Variants in GSE1 observed in about 807,000 individuals in gnomAD.
GSE1 encodes the protein genetic suppressor element 1.
In GSE1, 32 loss-of-function variants were observed where a neutral mutation model predicts 112.6. The observed-to-expected ratio is 0.28, with a 90% CI of 0.21 to 0.38. The LOEUF (loss-of-function observed/expected upper bound fraction) is 0.38, where lower values mean the gene tolerates loss of function less well. Among genes scored for constraint, GSE1 ranks in the 10% least tolerant of loss-of-function variants. GSE1 has a pLI of 1.00. For missense variants in GSE1, 2,348 were observed against 1,699.2 expected, an observed-to-expected ratio of 1.38 and a Z score of -6.71; for synonymous variants, 1,115 against 735.6, an observed-to-expected ratio of 1.52 and a Z score of -8.35.
intron 1 of GSE1, among the ~76,000 whole-genome samples, chr16:85,309,697 A>G (rs1020976290): frequency 1.3e-5 from 2 of 152,196 alleles, no homozygotes; most frequent in Non-Finnish European, 2.9e-5. Flanking sequence ...CTAATGATCC[A>G]TTCTCAGCTG....
intron 7 of GSE1, 54 bp downstream of exon 7, chr16:85,656,719 G>A (rs771075666): frequency 8.0e-5 from 115 of 1,445,886 alleles, no homozygotes; most frequent in Non-Finnish European, 1.0e-4. Flanking sequence ...CCCGCGGGGA[G>A]GAGCCCTGAA....
At chr16:85,551,414 CT>C (rs1336210727), upstream of GSE1, among the ~76,000 whole-genome samples, 6 of 152,174 alleles carry the variant, frequency 3.9e-5, no homozygotes, top group Non-Finnish European at 1.5e-5. Flanking sequence ...TGCAGCTCCC[CT>C]GGGAATGAAT....
At chr16:85,518,054 G>A (rs1018308574) in intron 2 of GSE1, among the ~76,000 whole-genome samples, 15 of 152,226 alleles carry the variant, frequency 9.9e-5, no homozygotes, top group Non-Finnish European at 1.6e-4. Context: ...CTCCTGGCCC[G>A]AGATGCCCTG....
intron 2 of GSE1, among the ~76,000 whole-genome samples, chr16:85,418,116 C>T (rs555222275): frequency 3.8e-4 from 58 of 152,346 alleles, no homozygotes; most frequent in Non-Finnish European, 7.5e-4. Flanking sequence ...GGATTACAGG[C>T]GTGAGCCACC....
intron 2 of GSE1, among the ~76,000 whole-genome samples, chr16:85,496,613 G>T (rs2051186978): frequency 6.6e-6 from 1 of 152,270 alleles, no homozygotes; most frequent in South Asian, 2.1e-4. Context: ...GAATTGGGGA[G>T]AAACTGACTT....
At chr16:85,188,315 G>A (rs1385521739) in intron 1 of GSE1, among the ~76,000 whole-genome samples, 1 of 152,228 alleles carries the variant, frequency 6.6e-6, no homozygotes. Context: ...GGGAATTACA[G>A]TAGAGTGTGT....
chr16:85,423,842 G>A (rs1421240895), intron 2 of GSE1, among the ~76,000 whole-genome samples: 2 of 152,254 alleles, frequency 1.3e-5, no homozygotes, highest in African/African-American at 4.8e-5. Context: ...GCCGCTCACA[G>A]GCAGGGCCCC....
At chr16:85,539,241 T>G (rs1207611777) in intron 2 of GSE1, among the ~76,000 whole-genome samples, 1 of 152,244 alleles carries the variant, frequency 6.6e-6, no homozygotes, top group African/African-American at 2.4e-5. Flanking sequence ...CCGCAGTGTC[T>G]ATTTTTGCAA....
chr16:85,260,790 A>G (rs889957144), intron 1 of GSE1, among the ~76,000 whole-genome samples: 1 of 152,142 alleles, frequency 6.6e-6, no homozygotes, highest in Non-Finnish European at 1.5e-5. Context: ...TTGCCCCTGC[A>G]CTGTACTGGG....
intron 1 of GSE1, among the ~76,000 whole-genome samples, chr16:85,270,632 T>C (rs1321648112): frequency 6.7e-6 from 1 of 148,976 alleles, no homozygotes; most frequent in East Asian, 1.9e-4. Context: ...CTGGGCTGGC[T>C]GCTTTGTTAA....
chr16:85,225,986 A>G (rs1597843131), intron 1 of GSE1, among the ~76,000 whole-genome samples: 2 of 152,108 alleles, frequency 1.3e-5, no homozygotes, highest in African/African-American at 4.8e-5. Flanking sequence ...TGGAGGCCTC[A>G]GTTCCTGGCC....
intron 1 of GSE1, chr16:85,279,112 A>T (rs900226579): frequency 3.3e-5 from 5 of 152,336 alleles, no homozygotes; most frequent in African/African-American, 1.2e-4. Flanking sequence ...AAATGCCCAG[A>T]TTTTTTAAAA....
intron 1 of GSE1, among the ~76,000 whole-genome samples, chr16:85,173,186 A>C (rs974052896): frequency 5.3e-5 from 8 of 152,216 alleles, no homozygotes; most frequent in Admixed American, 3.3e-4. Context: ...ACCCCAGTTC[A>C]TTTGTTCCTT....
chr16:85,468,023 CCTT>C (rs2050173792), intron 2 of GSE1, among the ~76,000 whole-genome samples: 1 of 152,174 alleles, frequency 6.6e-6, no homozygotes, highest in South Asian at 2.1e-4. Flanking sequence ...AGTGAGGGCT[CCTT>C]CTCTGCCCAT....
chr16:85,641,045 G>A (rs950197861), intron 2 of GSE1, among the ~76,000 whole-genome samples: 1 of 152,244 alleles, frequency 6.6e-6, no homozygotes, highest in Non-Finnish European at 1.5e-5. Flanking sequence ...AGTACTTGGC[G>A]TGTCAGCCTT....
chr16:85,170,504 C>T (rs1233902545), exon 1 of GSE1: 23 of 985,712 alleles, frequency 2.3e-5, no homozygotes, highest in Non-Finnish European at 2.6e-5. Context: ...ATCAACATCA[C>T]CAGTGGGGAA....
At chr16:85,399,267 C>CTGG (rs2048036372) in intron 2 of GSE1, among the ~76,000 whole-genome samples, 1 of 152,140 alleles carries the variant, frequency 6.6e-6, no homozygotes, top group Non-Finnish European at 1.5e-5. Flanking sequence ...GGTAGGCTGC[C>CTGG]TCGTCTGCTG....
chr16:85,328,298 A>G (rs941398588), intron 1 of GSE1, among the ~76,000 whole-genome samples: 4 of 152,208 alleles, frequency 2.6e-5, no homozygotes, highest in Non-Finnish European at 5.9e-5. Context: ...GTCACCCCAG[A>G]GAAGAGTCTC....
chr16:85,450,965 T>C (rs1340905293), intron 2 of GSE1, among the ~76,000 whole-genome samples: 1 of 148,880 alleles, frequency 6.7e-6, no homozygotes, highest in African/African-American at 2.5e-5. Context: ...TCCCAGCTAC[T>C]AGGGAGGCCA....
Sources: gnomAD v4.1 joint callset for allele counts (sites outside exome capture counted in the v4.1 genomes callset) on GRCh38, gnomAD v4.1.1 for gene constraint, MANE v1.5 for transcripts, NCBI Gene and HGNC (gene_info 2026-07-23, HGNC 2026-07-21) for gene names.